The following CSMD1 variants were observed in gnomAD, a reference collection of about 807,000 sequenced individuals.
The protein encoded by CSMD1 is CUB and Sushi multiple domains 1, also known as CUB and sushi domain-containing protein 1.
A neutral mutation model predicts 417.5 loss-of-function variants in CSMD1; 213 were observed. The ratio of observed to expected loss-of-function variants is 0.51; its 90% CI spans 0.46 to 0.57. CSMD1 has a LOEUF of 0.57. CSMD1 is among the 20% of genes least tolerant of loss of function. The pLI is 0.00. For missense variants in CSMD1, 6,923 were observed against 4,529.7 expected (o/e 1.53, Z -15.17); for synonymous variants, 2,862 against 1,736.8 (o/e 1.65, Z -16.11).
intron 1 of CSMD1, among the ~76,000 whole-genome samples, chr8:4,777,714 C>T (rs566607586): frequency 3.9e-5 from 6 of 152,280 alleles, no homozygotes; most frequent in Non-Finnish European, 7.4e-5. Flanking sequence ...ATTACTTCTG[C>T]ACCAACCTAA....
chr8:3,811,336 G>A (rs773403343), intron 5 of CSMD1, among the ~76,000 whole-genome samples: 19 of 152,154 alleles, frequency 1.2e-4, no homozygotes, highest in Non-Finnish European at 2.4e-4. Flanking sequence ...CCTTAATTAT[G>A]GACAATTATG....
intron 5 of CSMD1, among the ~76,000 whole-genome samples, chr8:3,824,567 G>A (rs1414648255): frequency 6.6e-6 from 1 of 152,168 alleles, no homozygotes; most frequent in African/African-American, 2.4e-5. Context: ...GCAAAATACG[G>A]AATGCATTTC....
At chr8:3,735,620 G>C (rs374477869) in intron 6 of CSMD1, among the ~76,000 whole-genome samples, 2 of 152,144 alleles carry the variant, frequency 1.3e-5, no homozygotes, top group Admixed American at 6.5e-5. Flanking sequence ...CTCTCCACAG[G>C]TAAGTCTGAA....
At chr8:3,683,793 T>G (rs1212430172) in intron 7 of CSMD1, among the ~76,000 whole-genome samples, 1 of 152,130 alleles carries the variant, frequency 6.6e-6, no homozygotes, top group Non-Finnish European at 1.5e-5. Context: ...CACATCTGCT[T>G]TGTGTTAACT....
chr8:3,004,108 G>T (rs1422710096), intron 52 of CSMD1, among the ~76,000 whole-genome samples: 1 of 152,062 alleles, frequency 6.6e-6, no homozygotes, highest in African/African-American at 2.4e-5. Flanking sequence ...AGAAATGAAC[G>T]TGGGGTGAGG....
chr8:4,073,004 T>C (rs1179645241), intron 3 of CSMD1, among the ~76,000 whole-genome samples: 1 of 152,202 alleles, frequency 6.6e-6, no homozygotes, highest in Non-Finnish European at 1.5e-5. Flanking sequence ...ATATACTCTA[T>C]ATGTAAGGAC....
At chr8:4,852,074 G>C (rs886954548) in intron 1 of CSMD1, among the ~76,000 whole-genome samples, 2 of 152,124 alleles carry the variant, frequency 1.3e-5, no homozygotes, top group East Asian at 1.9e-4. Context: ...CCTTACATCA[G>C]ATTCCCTCTC....
chr8:3,031,177 A>G lies in CSMD1; in HGVS notation c.7661-1664T>C, dbSNP rs1255444091. Among the ~76,000 whole-genome samples, 4 of 152,070 alleles carry G rather than the reference A, an allele frequency of 2.6e-5. No individual in the cohort carries two copies. In the East Asian group the frequency reaches 7.7e-4, roughly 29 times the overall value. On this transcript the variant is annotated intron_variant, in intron 50 of 69. Transcript: ENST00000635120. ...CTCATAAATTTATAACTCAACTTGA[A>G]TCTGACTGCATATTTCAAATAAAAT...
intron 50 of CSMD1, among the ~76,000 whole-genome samples, chr8:3,032,512 T>C (rs1810406897): frequency 6.6e-6 from 1 of 151,996 alleles, no homozygotes; most frequent in African/African-American, 2.4e-5. Context: ...TCCAATAAAA[T>C]AATGTGGCAA....
At chr8:4,676,179 G>A (rs1483499454) in intron 1 of CSMD1, among the ~76,000 whole-genome samples, 1 of 152,136 alleles carries the variant, frequency 6.6e-6, no homozygotes, top group Non-Finnish European at 1.5e-5. Context: ...CAAGGTCATA[G>A]ACCCTGACCT....
intron 11 of CSMD1, among the ~76,000 whole-genome samples, chr8:3,479,037 C>T (rs994752603): frequency 6.6e-6 from 1 of 152,016 alleles, no homozygotes; most frequent in African/African-American, 2.4e-5. Flanking sequence ...GCACTCCAAG[C>T]CTGGGAAATC....
At position 4,637,708 on chromosome 8, in the gene CSMD1, G is replaced by T; in HGVS notation, c.86-150C>A. 2 of 539,712 alleles carry T rather than the reference G, an allele frequency of 3.7e-6. 1 individual carries two copies. The highest frequency in any genetic ancestry group is 6.2e-6 in the Non-Finnish European group (2 of 323,114). The allele number at this position is 539,712 out of a possible 1,614,324, so 33.4% of individuals were successfully genotyped here. A position where few individuals can be genotyped will look rare whatever the true frequency, so the allele number is the denominator to read the frequency against. On this transcript the variant is annotated intron_variant, in intron 1 of 69. Coordinates refer to ENST00000635120, the MANE Select transcript of CSMD1 (RefSeq NM_033225.6). ...AGACGGAGTCTCGCTCTGTCGCCCA[G>T]GCCGGACTGCGGACTGCAGTGGCGC...
At chr8:4,252,640 C>A (rs891947366) in intron 3 of CSMD1, among the ~76,000 whole-genome samples, 2 of 152,190 alleles carry the variant, frequency 1.3e-5, no homozygotes, top group African/African-American at 4.8e-5. Context: ...CCAGAAGTAA[C>A]ACCCAGTTTA....
chr8:3,129,533 G>C (rs900164707), intron 41 of CSMD1, among the ~76,000 whole-genome samples: 8 of 152,164 alleles, frequency 5.3e-5, no homozygotes, highest in Non-Finnish European at 7.3e-5. Context: ...CCAGCACTTT[G>C]GGAGGCCGAG....
chr8:3,757,286 A>G (rs1440863938), intron 5 of CSMD1, among the ~76,000 whole-genome samples: 1 of 152,142 alleles, frequency 6.6e-6, no homozygotes, highest in Non-Finnish European at 1.5e-5. Flanking sequence ...GTACGTACGT[A>G]TTTCAGGCTT....
At chr8:3,737,178 T>C (rs1185384641) in intron 6 of CSMD1, among the ~76,000 whole-genome samples, 1 of 152,200 alleles carries the variant, frequency 6.6e-6, no homozygotes, top group Non-Finnish European at 1.5e-5. Context: ...TTGCATTTCC[T>C]ACCCTAATCA....
chr8:3,162,367 C>T (rs926111103), intron 37 of CSMD1, 90 bp from the exon 38 acceptor site: 10 of 827,730 alleles, frequency 1.2e-5, no homozygotes, highest in Admixed American at 2.1e-5. Context: ...TATTGCTCTC[C>T]TTCTGTAGAA....
At chr8:4,315,687 A>G (rs936110423) in intron 3 of CSMD1, among the ~76,000 whole-genome samples, 6 of 152,176 alleles carry the variant, frequency 3.9e-5, no homozygotes, top group African/African-American at 1.4e-4. Context: ...TGATTATAAA[A>G]TAGCCATTGA....
At chr8:3,819,627 A>G (rs1801605488) in intron 5 of CSMD1, among the ~76,000 whole-genome samples, 1 of 152,068 alleles carries the variant, frequency 6.6e-6, no homozygotes, top group Admixed American at 6.5e-5. Flanking sequence ...TTTGTTGCCC[A>G]GGCTGGAGTA....
Sources: allele counts gnomAD v4.1 joint callset (sites outside exome capture counted in the v4.1 genomes callset), GRCh38; gene constraint gnomAD v4.1.1; transcripts MANE v1.5; gene names NCBI Gene and HGNC (gene_info 2026-07-23, HGNC 2026-07-21).